The following SLC47A2 variants were observed in gnomAD, a reference collection of about 807,000 sequenced individuals.
The protein encoded by SLC47A2 is solute carrier family 47 member 2.
SLC47A2 carries 52 observed loss-of-function variants against 67.7 expected under a neutral mutation model. That is an observed-to-expected ratio of 0.77 (90% CI 0.61 to 0.97). The LOEUF is 0.97. Ranked by LOEUF, SLC47A2 falls within the 50% of genes least tolerant of loss-of-function variation. SLC47A2 has a pLI of 0.00. For synonymous variants in SLC47A2, 278 were observed against 292.9 expected (o/e 0.95, Z 0.52); for missense variants, 676 against 712.3 (o/e 0.95, Z 0.58).
intron 13 of SLC47A2, among the ~76,000 whole-genome samples, chr17:19,682,378 T>C (rs1305861372): frequency 1.3e-5 from 2 of 151,292 alleles, no homozygotes; most frequent in African/African-American, 4.9e-5. Context: ...TTTATTATTT[T>C]ATTTTACAGT....
chr17:19,684,848 G>T (rs975822220), intron 13 of SLC47A2, among the ~76,000 whole-genome samples: 1 of 151,616 alleles, frequency 6.6e-6, no homozygotes, highest in Admixed American at 6.6e-5. Flanking sequence ...TCTTGCTCTC[G>T]CTCTCCATCT....
intron 10 of SLC47A2, chr17:19,704,827 T>A: frequency 6.7e-6 from 4 of 597,754 alleles, no homozygotes; most frequent in Non-Finnish European, 1.1e-5. Context: ...ATGTGCTTTT[T>A]TTTTTTTTTT....
intron 13 of SLC47A2, among the ~76,000 whole-genome samples, chr17:19,682,101 C>T (rs1269351683): frequency 1.3e-5 from 2 of 152,160 alleles, no homozygotes; most frequent in South Asian, 2.1e-4. Flanking sequence ...CATGGTGGCT[C>T]ATGCCTGTAA....
At position 19,708,392 on chromosome 17, in the gene SLC47A2, G is replaced by A. The variant is rs776426187; in HGVS notation, c.539C>T (p.Thr180Ile). The A allele has an allele frequency of 1.2e-6, 2 of 1,614,008 alleles. No individual in the cohort carries two copies. The highest frequency in any genetic ancestry group is 1.7e-6 in the Non-Finnish European group (2 of 1,180,046). Residue 180 changes from threonine (T) to isoleucine (I), a missense_variant, in exon 7 of 17, where the codon ACC becomes ATC. Thr to Ile is a moderately conservative substitution (Grantham distance 89). Coordinates refer to ENST00000433844, the MANE Select transcript of SLC47A2 (RefSeq NM_001099646.3). ...CACACCACTGAGGACTTGGGGCCAG[G>A]TGATCTTCTGAAATAAATGAAAACT... ...LAKYLQNQKI[T>I]WPQVLSGVVG...
intron 13 of SLC47A2, among the ~76,000 whole-genome samples, chr17:19,690,116 A>G (rs1288403317): frequency 1.3e-5 from 2 of 152,190 alleles, no homozygotes; most frequent in Non-Finnish European, 2.9e-5. Context: ...AAGTAAATCC[A>G]TGCATCTACA....
rs956674155 is a variant in SLC47A2, at chr17:19,702,064, G to A, written c.1164+541C>T. On this transcript the variant is annotated intron_variant, in intron 13 of 16. Transcript: ENST00000433844. ...GTTGAGGCTGCAGTGAGCCATGATC[G>A]CACTGCTGCACTCCAGCCTGGGTGA... The A allele has an allele frequency of 4.2e-5, 38 of 910,512 alleles. No homozygotes were observed. In the East Asian group the frequency reaches 2.7e-3, roughly 66 times the overall value. 56.4% of individuals were successfully genotyped at this position (910,512 alleles called of 1,614,324 possible).
chr17:19,680,951 C>T (rs1309603107), intron 15 of SLC47A2, among the ~76,000 whole-genome samples: 2 of 152,034 alleles, frequency 1.3e-5, no homozygotes, highest in African/African-American at 4.8e-5. Context: ...ACCTGCAGCA[C>T]GCCTGTAATC....
chr17:19,710,154 T>A (rs2086056372), intron 5 of SLC47A2, among the ~76,000 whole-genome samples: 1 of 152,134 alleles, frequency 6.6e-6, no homozygotes, highest in Non-Finnish European at 1.5e-5. Flanking sequence ...GAGCTGAGCC[T>A]GGTAGGGCTG....
At chr17:19,716,201 T>G (rs1021268595) in intron 1 of SLC47A2, 1 of 578,146 alleles carries the variant, frequency 1.7e-6, no homozygotes, top group Non-Finnish European at 2.9e-6. Flanking sequence ...CCACCCCTTC[T>G]GTGTGGGGGC....
At chr17:19,700,931 G>C (rs890390627) in intron 13 of SLC47A2, among the ~76,000 whole-genome samples, 16 of 152,044 alleles carry the variant, frequency 1.1e-4, no homozygotes, top group African/African-American at 3.6e-4. Flanking sequence ...ATTTTGGGAA[G>C]CCGAGGCGGG....
rs2086223070 is a variant in SLC47A2, at chr17:19,715,273, C to T, written c.124-56G>A. ...GCCACAGGTGCCCACACAGCCGAGC[C>T]CTGCAAGACAGGCCTCTCCAGCTTT... On this transcript the variant is annotated intron_variant, in intron 1 of 16. Transcript: ENST00000433844. 20 of 1,517,270 alleles carry T rather than the reference C, an allele frequency of 1.3e-5. No homozygotes were observed. In the East Asian group the frequency reaches 4.5e-4, roughly 34 times the overall value. The allele number at this position is 1,517,270 out of a possible 1,614,324, so 94.0% of individuals were successfully genotyped here.
intron 10 of SLC47A2, chr17:19,704,523 C>A: frequency 1.0e-6 from 1 of 969,156 alleles, no homozygotes; most frequent in East Asian, 2.7e-5. Flanking sequence ...AGAAAAGCTC[C>A]CTGTAAGAAA....
intron 3 of SLC47A2, 130 bp downstream of exon 3, chr17:19,714,591 G>A (rs1450792530): frequency 3.0e-6 from 3 of 1,012,686 alleles, no homozygotes; most frequent in African/African-American, 3.1e-5. Flanking sequence ...TAGGGCAGGG[G>A]CAGCTGACCC....
At chr17:19,708,111 G>A (rs1287060724) in intron 7 of SLC47A2, among the ~76,000 whole-genome samples, 191 bp downstream of exon 7, 2 of 152,158 alleles carry the variant, frequency 1.3e-5, no homozygotes, top group African/African-American at 2.4e-5. Context: ...GCGGGGAGTG[G>A]CTGTCCTCTC....
At chr17:19,695,268 G>A (rs373986477) in intron 13 of SLC47A2, among the ~76,000 whole-genome samples, 2 of 152,010 alleles carry the variant, frequency 1.3e-5, no homozygotes, top group South Asian at 4.1e-4. Context: ...TAATGCATAT[G>A]TTAATTAGCT....
chr17:19,678,695 G>A lies in SLC47A2; in HGVS notation c.1692C>T (p.Thr564=), dbSNP rs2085242294. ...TTTCCAAGCTTCTTTGCTAGTGCCT[G>A]GTGGCTAGGATCCTGACCGTGAGCC... is the stretch of plus-strand genomic sequence containing the variant. ...MVGLTVRILA[T]RH is the part of the protein sequence containing the mutation. Residue 564 remains threonine (T), a synonymous_variant, in exon 17 of 17, where the codon ACC becomes ACT. Transcript: ENST00000433844. 1 of 1,612,240 alleles carries A rather than the reference G, an allele frequency of 6.2e-7. No homozygotes were observed. Among genetic ancestry groups the A allele is most frequent in the East Asian group, 2.2e-5 (1 of 44,856 alleles).
intron 13 of SLC47A2, 194 bp downstream of exon 13, chr17:19,702,411 C>T: frequency 1.0e-6 from 1 of 985,356 alleles, no homozygotes; most frequent in Non-Finnish European, 1.2e-6. Context: ...GTGTAAATTG[C>T]AGAAGAAGAG....
At chr17:19,696,964 A>G (rs2085677700) in intron 13 of SLC47A2, among the ~76,000 whole-genome samples, 1 of 152,154 alleles carries the variant, frequency 6.6e-6, no homozygotes, top group South Asian at 2.1e-4. Context: ...TTTGTCAGGA[A>G]CCGACTCTTG....
intron 12 of SLC47A2, 77 bp from the exon 13 acceptor site, chr17:19,702,751 C>G: frequency 6.8e-7 from 1 of 1,474,122 alleles, no homozygotes; most frequent in Non-Finnish European, 9.4e-7. Context: ...ATTCCACACC[C>G]CACCCCCACA....
Sources: allele counts gnomAD v4.1 joint callset (sites outside exome capture counted in the v4.1 genomes callset), GRCh38; gene constraint gnomAD v4.1.1; transcripts MANE v1.5; gene names NCBI Gene and HGNC (gene_info 2026-07-23, HGNC 2026-07-21).